Variants in GALNT18 observed in about 807,000 individuals in gnomAD.
The protein encoded by GALNT18 is polypeptide N-acetylgalactosaminyltransferase 18.
In GALNT18, 44 loss-of-function variants were observed where a neutral mutation model predicts 69.5. The observed-to-expected ratio is 0.63, with a 90% CI of 0.50 to 0.81. GALNT18 has a LOEUF of 0.81. Among genes scored for constraint, GALNT18 ranks in the 40% least tolerant of loss-of-function variants. GALNT18 has a pLI of 0.00. For missense variants in GALNT18, 715 were observed against 810.0 expected (o/e 0.88, Z 1.42); for synonymous variants, 364 against 318.2 (o/e 1.14, Z -1.53).
chr11:11,522,382 C>A (rs531819153), intron 1 of GALNT18, among the ~76,000 whole-genome samples: 11 of 152,264 alleles, frequency 7.2e-5, no homozygotes, highest in African/African-American at 2.6e-4. Context: ...GGGAATGGGG[C>A]CAGGCTTCAG....
In GALNT18 at chr11:11,620,199, C is replaced by T. The variant is rs1187464796; in HGVS notation, c.235+1160G>A. Among the ~76,000 whole-genome samples the T allele has an allele frequency of 6.6e-6, 1 of 152,094 alleles. No homozygotes were observed. The highest frequency in any genetic ancestry group is 2.4e-5 in the African/African-American group (1 of 41,410). On this transcript the variant is annotated intron_variant, in intron 1 of 10. Transcript: ENST00000227756. The surrounding 1 kb of genome is among the most constrained non-coding windows in gnomAD (Gnocchi z 6.9). ...TGCCAAGGTCTGCCATGCACTGGCCCCTGAGCCTGGTGGGCCTGCTAGGTT... is the reference window on the plus strand; with the variant it reads ...TGCCAAGGTCTGCCATGCACTGGCCTCTGAGCCTGGTGGGCCTGCTAGGTT...
chr11:11,356,079 G>GA lies in GALNT18; in HGVS notation c.1093-15076dup, dbSNP rs1004408821. On this transcript the variant is annotated intron_variant, in intron 6 of 10. Transcript: ENST00000227756. This position sits in a 1 kb window ranked among gnomAD's most constrained non-coding sequence, Gnocchi z 4.4. Reference sequence around the variant, plus strand: ...CTGGATACCAGCACCTACAGCACTAGAAAAAAATGTGCTCACAGGTACCCT... The same window carrying GA: ...CTGGATACCAGCACCTACAGCACTAGAAAAAAAATGTGCTCACAGGTACCCT... Among the ~76,000 whole-genome samples the GA allele has an allele frequency of 2.6e-5, 4 of 152,150 alleles. No individual in the cohort carries two copies. The highest frequency in any genetic ancestry group is 1.3e-4 in the Admixed American group (2 of 15,276).
At chr11:11,559,010 G>T (rs1046753975) in intron 1 of GALNT18, among the ~76,000 whole-genome samples, 5 of 152,142 alleles carry the variant, frequency 3.3e-5, no homozygotes, top group Non-Finnish European at 7.4e-5. Context: ...CTTCAGAAAC[G>T]GTGTTTCACC....
At chr11:11,441,055 G>A (rs1855522843) in intron 2 of GALNT18, among the ~76,000 whole-genome samples, 1 of 152,172 alleles carries the variant, frequency 6.6e-6, no homozygotes, top group African/African-American at 2.4e-5. Flanking sequence ...TTGTCCTCCT[G>A]TAAATACTTC....
Position 11,271,233 on chromosome 11 carries a change from C to T in GALNT18, c.1735G>A (p.Asp579Asn), listed in dbSNP as rs200063803. The T allele has an allele frequency of 5.8e-5, 93 of 1,614,122 alleles. No individual in the cohort carries two copies. Among genetic ancestry groups the T allele is most frequent in the South Asian group, 3.6e-4 (33 of 91,074 alleles). ...ACCAGCTGGAAGCCGAACTCCAGGT[C>T]GCTATTCTCCTGCAGCTCCAGACAG... ...KRCLELQENS[D>N]LEFGFQLVLQ... The change falls in exon 11 of 11, where the codon GAC becomes AAC. Residue 579 changes from aspartate (D) to asparagine (N), a missense_variant. Asp to Asn is a conservative substitution (Grantham distance 23). Coordinates refer to ENST00000227756, the MANE Select transcript of GALNT18 (RefSeq NM_198516.3).
At chr11:11,502,450 T>C (rs1239384667) in intron 1 of GALNT18, among the ~76,000 whole-genome samples, 1 of 152,222 alleles carries the variant, frequency 6.6e-6, no homozygotes, top group East Asian at 1.9e-4. Context: ...CCATACTCTG[T>C]TGGCTTCTGC....
Position 11,582,657 on chromosome 11 carries a change from T to C in GALNT18, c.235+38702A>G, listed in dbSNP as rs1216615157. Among the ~76,000 whole-genome samples the C allele has an allele frequency of 6.6e-6, 1 of 152,180 alleles. No individual in the cohort carries two copies. The highest frequency in any genetic ancestry group is 2.4e-5 in the African/African-American group (1 of 41,432). On this transcript the variant is annotated intron_variant, in intron 1 of 10. Coordinates refer to ENST00000227756, the MANE Select transcript of GALNT18 (RefSeq NM_198516.3). The surrounding 1 kb of genome is among the most constrained non-coding windows in gnomAD (Gnocchi z 5.0). Reference sequence around the variant, plus strand: ...GCAGACTTTCAGTATGCAGTAGAAATACACATTGAGGGCTAAAAGCCTTTG... The same window carrying C: ...GCAGACTTTCAGTATGCAGTAGAAACACACATTGAGGGCTAAAAGCCTTTG...
chr11:11,456,453 C>T lies in GALNT18; in HGVS notation c.236-7517G>A, dbSNP rs146779341. Among the ~76,000 whole-genome samples, 7 of 152,298 alleles carry T rather than the reference C, an allele frequency of 4.6e-5. No individual in the cohort carries two copies. In the East Asian group the frequency reaches 5.8e-4, roughly 13 times the overall value. ...TTAAACTATTGAAATACCTTCCTAG[C>T]GGTGGCAAACAGCTGCCGCCTAAAA... On this transcript the variant is annotated intron_variant, in intron 1 of 10. Coordinates refer to ENST00000227756, the MANE Select transcript of GALNT18 (RefSeq NM_198516.3).
Position 11,320,384 on chromosome 11 carries a change from C to T in GALNT18, c.1512+6702G>A, listed in dbSNP as rs779493825. On this transcript the variant is annotated intron_variant, in intron 9 of 10. Transcript: ENST00000227756. This position sits in a 1 kb window ranked among gnomAD's most constrained non-coding sequence, Gnocchi z 4.9. Reference sequence around the variant, plus strand: ...TGTGACAGTTCCATCCGTGCATACACGACCTTCCCAAAGCTCTCCTTGTCC... The same window carrying T: ...TGTGACAGTTCCATCCGTGCATACATGACCTTCCCAAAGCTCTCCTTGTCC... Among the ~76,000 whole-genome samples the T allele has an allele frequency of 3.3e-5, 5 of 152,216 alleles. No individual in the cohort carries two copies. The highest frequency in any genetic ancestry group is 2.1e-4 in the South Asian group (1 of 4,830).
chr11:11,506,572 C>T (rs867782366), intron 1 of GALNT18, among the ~76,000 whole-genome samples: 3 of 152,172 alleles, frequency 2.0e-5, no homozygotes, highest in African/African-American at 4.8e-5. Context: ...GTAGTGCTGG[C>T]CATGCATCAA....
rs7108430 is a variant in GALNT18, at chr11:11,309,823, G to C, written c.1513-16630C>G. Among the ~76,000 whole-genome samples the C allele has an allele frequency of 0.48, 72,786 of 151,884 alleles. 17,846 individuals carry two copies. Among genetic ancestry groups the C allele is most frequent in the Middle Eastern group, 0.6 (177 of 294 alleles). ...CAGTTGCAAGACAGCCTGCAAACTT[G>C]TTCCTCCTGGGCCTCAGCAGAAGTT... On this transcript the variant is annotated intron_variant, in intron 9 of 10. Coordinates refer to ENST00000227756, the MANE Select transcript of GALNT18 (RefSeq NM_198516.3). This position sits in a 1 kb window ranked among gnomAD's most constrained non-coding sequence, Gnocchi z 4.6.
intron 1 of GALNT18, among the ~76,000 whole-genome samples, chr11:11,554,895 G>T (rs1858290167): frequency 6.6e-6 from 1 of 152,164 alleles, no homozygotes; most frequent in Non-Finnish European, 1.5e-5. Flanking sequence ...TCTGAGCAGG[G>T]GTGAGGGTCC....
Position 11,432,688 on chromosome 11 carries a change from C to T in GALNT18, c.528G>A (p.Ser176=), listed in dbSNP as rs373390908. 164 of 1,613,464 alleles carry T rather than the reference C, an allele frequency of 1.0e-4. No homozygotes were observed. The highest frequency in any genetic ancestry group is 3.3e-4 in the Middle Eastern group (2 of 6,062). The change falls in exon 3 of 11, where the codon TCG becomes TCA. Residue 176 remains serine, a synonymous_variant. Coordinates refer to ENST00000227756, the MANE Select transcript of GALNT18 (RefSeq NM_198516.3). This position sits in a 1 kb window ranked among gnomAD's most constrained non-coding sequence, Gnocchi z 5.8. ...ALSVLLRSIH[S]AMERTPPHLL... is the part of the protein sequence containing the mutation. ...GATGTGGGGGCGTGCGTTCCATGGC[C>T]GAGTGGATGGAGCGCAGCAGCACTG... is the stretch of plus-strand genomic sequence containing the variant.
chr11:11,492,729 C>T (rs1487594012), intron 1 of GALNT18, among the ~76,000 whole-genome samples: 2 of 124,450 alleles, frequency 1.6e-5, no homozygotes, highest in African/African-American at 6.3e-5. Flanking sequence ...GGGGACATCA[C>T]ATACCGGGGC....
In GALNT18 at chr11:11,490,226, CTCTCTCTA is replaced by C. The variant is rs1458427357; in HGVS notation, c.236-41298_236-41291del. On this transcript the variant is annotated intron_variant, in intron 1 of 10. Transcript: ENST00000227756. ...TCTCTCTCTCTCTCTCTCTCTCTCTCTCTCTCTAACACACACACACACACACACACACA... is the reference window on the plus strand; with the variant it reads ...TCTCTCTCTCTCTCTCTCTCTCTCTCACACACACACACACACACACACACA... Among the ~76,000 whole-genome samples the C allele has an allele frequency of 1.1e-4, 8 of 74,932 alleles. No individual in the cohort carries two copies. The South Asian group carries it at 1.3e-3, about 12-fold the overall frequency. 49.2% of individuals were successfully genotyped at this position (74,932 alleles called of 152,430 possible).
Position 11,574,667 on chromosome 11 carries a change from G to A in GALNT18, c.235+46692C>T, listed in dbSNP as rs529331056. ...CCAGCACCTACCAGATGGCTAAAAGGAAGCAAAAGACACTCTGGGTGCAGG... is the reference window on the plus strand; with the variant it reads ...CCAGCACCTACCAGATGGCTAAAAGAAAGCAAAAGACACTCTGGGTGCAGG... On this transcript the variant is annotated intron_variant, in intron 1 of 10. Transcript: ENST00000227756. 2.6e-5 allele frequency among the ~76,000 whole-genome samples: 4 copies of A among 152,304 alleles called. No individual in the cohort carries two copies. The East Asian group carries it at 7.7e-4, about 29-fold the overall frequency.
rs754013870 is a variant in GALNT18, at chr11:11,620,210, T to C, written c.235+1149A>G. Among the ~76,000 whole-genome samples the C allele has an allele frequency of 3.9e-5, 6 of 152,010 alleles. No individual in the cohort carries two copies. Among genetic ancestry groups the C allele is most frequent in the Non-Finnish European group, 7.4e-5 (5 of 67,968 alleles). Reference sequence around the variant, plus strand: ...GCCATGCACTGGCCCCTGAGCCTGGTGGGCCTGCTAGGTTTACAGGGGAAC... The same window carrying C: ...GCCATGCACTGGCCCCTGAGCCTGGCGGGCCTGCTAGGTTTACAGGGGAAC... On this transcript the variant is annotated intron_variant, in intron 1 of 10. Coordinates refer to ENST00000227756, the MANE Select transcript of GALNT18 (RefSeq NM_198516.3). The surrounding 1 kb of genome is among the most constrained non-coding windows in gnomAD (Gnocchi z 6.9).
intron 7 of GALNT18, among the ~76,000 whole-genome samples, chr11:11,334,635 T>A (rs1248482415): frequency 6.6e-6 from 1 of 152,182 alleles, no homozygotes; most frequent in Non-Finnish European, 1.5e-5. Context: ...AATTTGAACC[T>A]GCTACAGCCT....
chr11:11,425,437 G>A (rs1316877620), intron 3 of GALNT18, among the ~76,000 whole-genome samples: 1 of 152,222 alleles, frequency 6.6e-6, no homozygotes, highest in Non-Finnish European at 1.5e-5. Context: ...GACATCTCCA[G>A]GGTATGGGAT....
Sources: allele counts gnomAD v4.1 joint callset (sites outside exome capture counted in the v4.1 genomes callset), GRCh38; gene constraint gnomAD v4.1.1; non-coding constraint Gnocchi (gnomAD v3.1); transcripts MANE v1.5; gene names NCBI Gene and HGNC (gene_info 2026-07-23, HGNC 2026-07-21).